The following AKAIN1 variants were observed in gnomAD, a reference collection of about 807,000 sequenced individuals.
The protein encoded by AKAIN1 is A-kinase anchor inhibitor 1, also known as A-kinase anchor protein inhibitor 1.
In AKAIN1, 3 loss-of-function variants were observed where a neutral mutation model predicts 3.7. The ratio of observed to expected loss-of-function variants is 0.82; its 90% CI spans 0.37 to 2.12. AKAIN1 has a LOEUF of 2.12. Ranked by LOEUF, AKAIN1 falls within the 30% of genes most tolerant of loss-of-function variation. The pLI, the probability that AKAIN1 is intolerant of heterozygous loss-of-function variation, is 0.06. For synonymous variants in AKAIN1, 31 were observed against 30.8 expected (o/e 1.01, Z -0.02); for missense variants, 82 against 82.7 (o/e 0.99, Z 0.03).
chr18:5,170,621 G>T (rs1473158029), intron 1 of AKAIN1: 1 of 152,090 alleles, frequency 6.6e-6, no homozygotes, highest in Non-Finnish European at 1.5e-5. Flanking sequence ...CATGCAGATT[G>T]TTTTTCAAAA....
intron 1 of AKAIN1, among the ~76,000 whole-genome samples, chr18:5,176,545 T>C (rs1272985471): frequency 6.6e-6 from 1 of 152,138 alleles, no homozygotes; most frequent in African/African-American, 2.4e-5. Context: ...CTGTAGACAC[T>C]GTAGGATTCA....
intron 1 of AKAIN1, among the ~76,000 whole-genome samples, chr18:5,177,653 TATAA>T (rs1285683481): frequency 2.6e-5 from 4 of 152,202 alleles, no homozygotes; most frequent in African/African-American, 7.2e-5. Context: ...TCATGCACTG[TATAA>T]ATACTCTATA....
At chr18:5,149,913 C>T (rs1307859977) in intron 1 of AKAIN1, among the ~76,000 whole-genome samples, 2 of 152,132 alleles carry the variant, frequency 1.3e-5, no homozygotes, top group Non-Finnish European at 2.9e-5. Context: ...CTCCTGGGCT[C>T]AAGCAATCCT....
At chr18:5,173,834 C>A (rs1307952915) in intron 1 of AKAIN1, among the ~76,000 whole-genome samples, 2 of 152,140 alleles carry the variant, frequency 1.3e-5, no homozygotes, top group East Asian at 1.9e-4. Context: ...TTGGCATGAT[C>A]CCCCCTCGGC....
At chr18:5,159,443 CT>C (rs1199525798) in intron 1 of AKAIN1, 1 of 152,004 alleles carries the variant, frequency 6.6e-6, no homozygotes, top group Non-Finnish European at 1.5e-5. Flanking sequence ...GAAACAGTAC[CT>C]TTGAGGATGC....
chr18:5,182,386 G>A (rs189248524), intron 1 of AKAIN1, among the ~76,000 whole-genome samples: 6 of 152,128 alleles, frequency 3.9e-5, no homozygotes, highest in East Asian at 3.9e-4. Context: ...TTAGCCGACC[G>A]TGGGCTAGGC....
intron 1 of AKAIN1, among the ~76,000 whole-genome samples, chr18:5,169,723 T>G (rs1167170427): frequency 1.3e-5 from 2 of 152,170 alleles, no homozygotes; most frequent in Non-Finnish European, 2.9e-5. Context: ...TACATGGATT[T>G]TAGAAAATCT....
At chr18:5,149,132 C>G (rs554011250) in intron 1 of AKAIN1, among the ~76,000 whole-genome samples, 4 of 152,130 alleles carry the variant, frequency 2.6e-5, no homozygotes, top group Admixed American at 2.6e-4. Flanking sequence ...AAACTAGATG[C>G]GTGTTAACTC....
chr18:5,150,812 G>C (rs997368663), intron 1 of AKAIN1, among the ~76,000 whole-genome samples: 9 of 152,186 alleles, frequency 5.9e-5, no homozygotes, highest in Non-Finnish European at 1.3e-4. Flanking sequence ...TTATGTATAA[G>C]TATTAAAATT....
At chr18:5,149,838 ATTTTTGTTTTTG>A (rs1204950886) in intron 1 of AKAIN1, among the ~76,000 whole-genome samples, 1 of 151,912 alleles carries the variant, frequency 6.6e-6, no homozygotes. Flanking sequence ...GCAGTGTTTT[ATTTTTGTTTTTG>A]TTTTTGTTTT....
At chr18:5,162,625 C>CGTGTGTGTGTGTGT (rs150673471) in intron 1 of AKAIN1, among the ~76,000 whole-genome samples, 1 of 145,776 alleles carries the variant, frequency 6.9e-6, no homozygotes, top group Non-Finnish European at 1.5e-5. Flanking sequence ...CAATGTGATG[C>CGTGTGTGTGTGTGT]GTGTGTGTGT....
At chr18:5,157,413 A>C (rs2071114354) in intron 1 of AKAIN1, among the ~76,000 whole-genome samples, 2 of 152,314 alleles carry the variant, frequency 1.3e-5, no homozygotes, top group Admixed American at 6.5e-5. Flanking sequence ...TAACTTTTTC[A>C]AAATGTAAAT....
At chr18:5,177,583 C>T (rs1365494182) in intron 1 of AKAIN1, among the ~76,000 whole-genome samples, 1 of 151,864 alleles carries the variant, frequency 6.6e-6, no homozygotes, top group Non-Finnish European at 1.5e-5. Context: ...AATCCCAGAA[C>T]CCTCTAAACA....
At chr18:5,170,506 A>G (rs2071191459) in intron 1 of AKAIN1, among the ~76,000 whole-genome samples, 1 of 152,164 alleles carries the variant, frequency 6.6e-6, no homozygotes, top group Admixed American at 6.6e-5. Context: ...TGCTAAGCAA[A>G]GATAGTGTAC....
Position 5,197,227 on chromosome 18 carries a change from C to T in AKAIN1, c.-174G>A, listed in dbSNP as rs922185975. 139 of 1,387,248 alleles carry T rather than the reference C, an allele frequency of 1.0e-4. No individual in the cohort carries two copies. The highest frequency in any genetic ancestry group is 1.2e-4 in the Non-Finnish European group (129 of 1,081,794). 85.9% of individuals were successfully genotyped at this position (1,387,248 alleles called of 1,614,324 possible). On this transcript the variant is annotated 5_prime_UTR_variant, in exon 1 of 2. Coordinates refer to ENST00000434239, the MANE Select transcript of AKAIN1 (RefSeq NM_001145194.2). This position sits in a 1 kb window ranked among gnomAD's most constrained non-coding sequence, Gnocchi z 6.9. ...CCGCTAGATCCTGGGGCCGCAGCTC[C>T]AGCCGCCGCCGCGCGCTCTGCCTCC... is the stretch of plus-strand genomic sequence containing the variant.
In AKAIN1 at chr18:5,197,067, C is replaced by G; in HGVS notation, c.-14G>C. 1 of 1,551,608 alleles carries G rather than the reference C, an allele frequency of 6.4e-7. No individual in the cohort carries two copies. The highest frequency in any genetic ancestry group is 8.7e-7 in the Non-Finnish European group (1 of 1,146,972). ...AGCGAACACCATGATTTCTTCCAGC[C>G]GCTACGCCCCCAGATTAAGAGAGAA... On this transcript the variant is annotated 5_prime_UTR_variant, in exon 1 of 2. Coordinates refer to ENST00000434239, the MANE Select transcript of AKAIN1 (RefSeq NM_001145194.2). This position sits in a 1 kb window ranked among gnomAD's most constrained non-coding sequence, Gnocchi z 6.9.
At chr18:5,151,872 T>C (rs1447680157) in intron 1 of AKAIN1, among the ~76,000 whole-genome samples, 2 of 152,232 alleles carry the variant, frequency 1.3e-5, no homozygotes, top group Non-Finnish European at 2.9e-5. Context: ...CTCATACATA[T>C]ATTCATTCAT....
At chr18:5,160,341 G>T (rs961851781) in intron 1 of AKAIN1, among the ~76,000 whole-genome samples, 1 of 152,132 alleles carries the variant, frequency 6.6e-6, no homozygotes, top group East Asian at 1.9e-4. Context: ...TAACTAATGA[G>T]GTTGAACATC....
At chr18:5,163,012 G>A (rs960630226) in intron 1 of AKAIN1, among the ~76,000 whole-genome samples, 4 of 151,838 alleles carry the variant, frequency 2.6e-5, no homozygotes, top group African/African-American at 7.3e-5. Flanking sequence ...TTTGGGATTC[G>A]GCTCAGGAAT....
Sources: gnomAD v4.1 joint callset for allele counts (sites outside exome capture counted in the v4.1 genomes callset) on GRCh38, gnomAD v4.1.1 for gene constraint, Gnocchi (gnomAD v3.1) non-coding constraint, MANE v1.5 for transcripts, NCBI Gene and HGNC (gene_info 2026-07-23, HGNC 2026-07-21) for gene names.